KCNK10: variants seen among roughly 807,000 people sequenced by gnomAD.
KCNK10 encodes potassium two pore domain channel subfamily K member 10, also known as potassium channel subfamily K member 10.
In KCNK10, 25 loss-of-function variants were observed where a neutral mutation model predicts 47.7. The observed-to-expected ratio is 0.52, with a 90% CI of 0.38 to 0.73. KCNK10 has a LOEUF of 0.73. Ranked by LOEUF, KCNK10 falls within the 30% of genes least tolerant of loss-of-function variation. KCNK10 has a pLI of 0.00. For missense variants in KCNK10, 563 were observed against 714.5 expected (o/e 0.79, Z 2.42); for synonymous variants, 303 against 285.6 (o/e 1.06, Z -0.61).
intron 1 of KCNK10, among the ~76,000 whole-genome samples, chr14:88,280,168 C>T (rs1036863761): frequency 2.0e-5 from 3 of 152,188 alleles, no homozygotes; most frequent in South Asian, 2.1e-4. Context: ...GCTCTGCTAA[C>T]GATCTCTGCT....
chr14:88,274,172 C>A (rs1396301801), intron 1 of KCNK10, among the ~76,000 whole-genome samples: 1 of 151,798 alleles, frequency 6.6e-6, no homozygotes, highest in Non-Finnish European at 1.5e-5. Context: ...GTCCCGTGTG[C>A]TCAGGGCTCA....
intron 4 of KCNK10, among the ~76,000 whole-genome samples, chr14:88,222,815 AC>A (rs1274081647): frequency 1.3e-5 from 2 of 152,202 alleles, no homozygotes; most frequent in Non-Finnish European, 2.9e-5. Context: ...AATGTGAGTG[AC>A]AAGTCTGAGG....
chr14:88,254,420 C>G lies in KCNK10; in HGVS notation c.402+8782G>C, dbSNP rs182437470. 1.3e-3 allele frequency among the ~76,000 whole-genome samples: 194 copies of G among 152,238 alleles called. 1 individual carries two copies. Among genetic ancestry groups the G allele is most frequent in the African/African-American group, 4.6e-3 (191 of 41,536 alleles). The stretch of plus-strand genomic sequence containing the variant: ...GCTATTCCCTTCAGCGAGGCTATGA[C>G]CAGAAGAAATGGCAGCCATGGGACC... On this transcript the variant is annotated intron_variant, in intron 2 of 6. Transcript: ENST00000319231.
At chr14:88,310,181 G>C (rs28713451) in intron 1 of KCNK10, among the ~76,000 whole-genome samples, 18,254 of 44,104 alleles carry the variant, frequency 0.41, 4,269 homozygotes, top group Non-Finnish European at 0.6. Flanking sequence ...TATGGTATAT[G>C]ATATACCATA....
At chr14:88,255,541 A>T (rs1886928856) in intron 2 of KCNK10, among the ~76,000 whole-genome samples, 2 of 151,560 alleles carry the variant, frequency 1.3e-5, no homozygotes, top group African/African-American at 4.9e-5. Flanking sequence ...CAAAAAAAAA[A>T]AAAAATTAAA....
At chr14:88,241,946 C>T (rs1443651370) in intron 2 of KCNK10, among the ~76,000 whole-genome samples, 9 of 150,960 alleles carry the variant, frequency 6.0e-5, no homozygotes, top group Admixed American at 5.9e-4. Context: ...AAAGGTAGGA[C>T]GTGCTGTCAT....
At chr14:88,255,254 G>A (rs145450088) in intron 2 of KCNK10, among the ~76,000 whole-genome samples, 1 of 152,302 alleles carries the variant, frequency 6.6e-6, no homozygotes, top group African/African-American at 2.4e-5. Flanking sequence ...TAAGCAGTAT[G>A]GCACAAGGGT....
intron 1 of KCNK10, among the ~76,000 whole-genome samples, chr14:88,301,040 AATTT>A (rs1888082088): frequency 6.6e-6 from 1 of 152,138 alleles, no homozygotes; most frequent in South Asian, 2.1e-4. Flanking sequence ...ACCTTGTGGA[AATTT>A]ATTTACTCAC....
chr14:88,290,774 A>C (rs1310177735), intron 1 of KCNK10, among the ~76,000 whole-genome samples: 1 of 152,258 alleles, frequency 6.6e-6, no homozygotes, highest in African/African-American at 2.4e-5. Context: ...CAAAGCCCTA[A>C]GCTAACATGG....
In KCNK10 at chr14:88,211,082, A is replaced by G. The variant is rs183575543; in HGVS notation, c.681+16293T>C. ...TGTTCATAGCAGCATTATTCATAAC[A>G]ACCAAAAAGTGGAAACAGCCCAAAA... is the stretch of plus-strand genomic sequence containing the variant. On this transcript the variant is annotated intron_variant, in intron 4 of 6. Coordinates refer to ENST00000319231, the MANE Select transcript of KCNK10 (RefSeq NM_138317.3). Among the ~76,000 whole-genome samples, 68 of 152,338 alleles carry G rather than the reference A, an allele frequency of 4.5e-4. No individual in the cohort carries two copies. The Middle Eastern group carries it at 0.01, about 23-fold the overall frequency.
intron 3 of KCNK10, among the ~76,000 whole-genome samples, chr14:88,240,020 G>A (rs1886408069): frequency 6.6e-6 from 1 of 152,050 alleles, no homozygotes; most frequent in African/African-American, 2.4e-5. Flanking sequence ...GGTCATCACT[G>A]TTCACTCTAT....
chr14:88,247,738 C>T (rs1443382265), intron 2 of KCNK10, among the ~76,000 whole-genome samples: 1 of 152,144 alleles, frequency 6.6e-6, no homozygotes, highest in Non-Finnish European at 1.5e-5. Context: ...CAAGTTAATC[C>T]CTTACAATGG....
At chr14:88,309,406 A>T (rs2139797585) in intron 1 of KCNK10, among the ~76,000 whole-genome samples, 1 of 152,284 alleles carries the variant, frequency 6.6e-6, no homozygotes, top group African/African-American at 2.4e-5. Flanking sequence ...GTTCGAGACC[A>T]GCCTGGGCAA....
rs965071310 is a variant in KCNK10 at position 88,192,349 on chromosome 14, C to A, written c.743G>T (p.Gly248Val). ...VISTILFILA[G>V]CIVFVTIPAV... is the part of the protein sequence containing the mutation. ...AGGGATCGTCACAAACACAATGCAGCCGGCCAAGATGAACAGGATGGTTGA... is the reference window on the plus strand; with the variant it reads ...AGGGATCGTCACAAACACAATGCAGACGGCCAAGATGAACAGGATGGTTGA... The change falls in exon 5 of 7, where the codon GGC becomes GTC. Residue 248 changes from glycine (G) to valine (V), a missense_variant. Physicochemically the swap from Gly to Val is moderately radical, Grantham distance 109. Coordinates refer to ENST00000319231, the MANE Select transcript of KCNK10 (RefSeq NM_138317.3). 1.9e-6 allele frequency: 3 copies of A among 1,613,996 alleles called. No individual in the cohort carries two copies. The highest frequency in any genetic ancestry group is 2.5e-6 in the Non-Finnish European group (3 of 1,179,998).
chr14:88,249,822 CT>C (rs1886744280), intron 2 of KCNK10, among the ~76,000 whole-genome samples: 1 of 152,172 alleles, frequency 6.6e-6, no homozygotes, highest in Non-Finnish European at 1.5e-5. Context: ...AATACTGAAC[CT>C]CAAGCTCCCT....
intron 1 of KCNK10, chr14:88,270,709 C>A: frequency 1.3e-6 from 1 of 781,012 alleles, no homozygotes; most frequent in Non-Finnish European, 2.4e-6. Flanking sequence ...TTTCCTGTCC[C>A]CTTAGTCCAG....
intron 3 of KCNK10, among the ~76,000 whole-genome samples, chr14:88,236,395 C>T (rs1187567131): frequency 1.3e-5 from 2 of 152,104 alleles, no homozygotes; most frequent in African/African-American, 4.8e-5. Context: ...AAATGTTAAG[C>T]TACAACTGTG....
chr14:88,272,310 T>G (rs1887426282), intron 1 of KCNK10, among the ~76,000 whole-genome samples: 1 of 152,068 alleles, frequency 6.6e-6, no homozygotes, highest in Non-Finnish European at 1.5e-5. Flanking sequence ...CAACAAAGCG[T>G]GCAGATGCTG....
intron 4 of KCNK10, among the ~76,000 whole-genome samples, chr14:88,197,049 A>G (rs1884935257): frequency 6.6e-6 from 1 of 152,182 alleles, no homozygotes; most frequent in African/African-American, 2.4e-5. Flanking sequence ...GCCTACTGAA[A>G]AAGTCCCACT....
Sources: gnomAD v4.1 joint callset for allele counts (sites outside exome capture counted in the v4.1 genomes callset) on GRCh38, gnomAD v4.1.1 for gene constraint, MANE v1.5 for transcripts, NCBI Gene and HGNC (gene_info 2026-07-23, HGNC 2026-07-21) for gene names.